IQCJ: variants seen among roughly 807,000 people sequenced by gnomAD.
IQCJ encodes IQ domain-containing protein J.
IQCJ carries 9 observed loss-of-function variants against 11.0 expected under a neutral mutation model. That is an observed-to-expected ratio of 0.82 (90% CI 0.49 to 1.43). The LOEUF (loss-of-function observed/expected upper bound fraction) is 1.43, where lower values mean the gene tolerates loss of function less well. Among genes scored for constraint, IQCJ ranks in the 40% most tolerant of loss-of-function variants. The probability of loss-of-function intolerance (pLI) is 0.00; values close to 1 mark genes in which losing one functional copy is unlikely to be tolerated. For synonymous variants in IQCJ, 55 were observed against 51.3 expected, an observed-to-expected ratio of 1.07 and a Z score of -0.31; for missense variants, 146 against 133.2, an observed-to-expected ratio of 1.10 and a Z score of -0.47.
chr3:159,202,579 T>C (rs1268776127), intron 1 of IQCJ, among the ~76,000 whole-genome samples: 2 of 152,212 alleles, frequency 1.3e-5, no homozygotes, highest in Non-Finnish European at 2.9e-5. Flanking sequence ...CTCTTGGTCC[T>C]GTTGGCTTTT....
At chr3:159,206,042 G>C (rs1033510654) in intron 1 of IQCJ, among the ~76,000 whole-genome samples, 1 of 151,986 alleles carries the variant, frequency 6.6e-6, no homozygotes, top group Non-Finnish European at 1.5e-5. Flanking sequence ...TCTATTCTTT[G>C]CTTCCTGACT....
chr3:159,246,345 A>G (rs1204962200), intron 2 of IQCJ, among the ~76,000 whole-genome samples: 1 of 152,220 alleles, frequency 6.6e-6, no homozygotes, highest in Non-Finnish European at 1.5e-5. Context: ...AATTGAACAG[A>G]GATAAAAGTA....
At chr3:159,131,433 G>A (rs371285430) in intron 1 of IQCJ, among the ~76,000 whole-genome samples, 1 of 152,014 alleles carries the variant, frequency 6.6e-6, no homozygotes, top group South Asian at 2.1e-4. Context: ...CCAATGAGAG[G>A]CATTGGCAAA....
intron 1 of IQCJ, among the ~76,000 whole-genome samples, chr3:159,172,129 C>A (rs916105823): frequency 1.3e-5 from 2 of 152,176 alleles, no homozygotes; most frequent in Non-Finnish European, 2.9e-5. Flanking sequence ...ATACGGAAAG[C>A]AGCTATAAGC....
chr3:159,142,065 C>G (rs1260258653), intron 1 of IQCJ, among the ~76,000 whole-genome samples: 1 of 152,198 alleles, frequency 6.6e-6, no homozygotes, highest in East Asian at 1.9e-4. Context: ...TTTCTCAGAG[C>G]CCTCACCAGT....
intron 1 of IQCJ, among the ~76,000 whole-genome samples, chr3:159,173,735 T>C (rs1164846512): frequency 6.6e-6 from 1 of 152,228 alleles, no homozygotes; most frequent in East Asian, 1.9e-4. Flanking sequence ...TTTTCTTTCC[T>C]TCTCCAGAAA....
In IQCJ at chr3:159,200,104, A is replaced by AATATATATATATAT. The variant is rs539820364; in HGVS notation, c.10-45736_10-45723dup. ...ATATGTATGTATGTGTTTATACATA[A>AATATATATATATAT]ATATATATATATATATCACTTTGAA... On this transcript the variant is annotated intron_variant, in intron 1 of 3. Transcript: ENST00000397832. Among the ~76,000 whole-genome samples, 48 of 116,940 alleles carry AATATATATATATAT rather than the reference A, an allele frequency of 4.1e-4. 4 individuals carry two copies. Among genetic ancestry groups the AATATATATATATAT allele is most frequent in the African/African-American group, 1.2e-3 (32 of 26,386 alleles). The allele number at this position is 116,940 out of a possible 152,430, so 76.7% of individuals were successfully genotyped here. A position where few individuals can be genotyped will look rare whatever the true frequency, so the allele number is the denominator to read the frequency against.
At chr3:159,264,749 C>A (rs1728407031), downstream of IQCJ, among the ~76,000 whole-genome samples, 1 of 151,742 alleles carries the variant, frequency 6.6e-6, no homozygotes, top group Admixed American at 6.6e-5. Context: ...CTGTCTCTAC[C>A]AAAAATACAA....
At chr3:159,174,417 G>A (rs1722661434) in intron 1 of IQCJ, among the ~76,000 whole-genome samples, 1 of 151,992 alleles carries the variant, frequency 6.6e-6, no homozygotes, top group Admixed American at 6.6e-5. Flanking sequence ...AAAAATTAAT[G>A]TACACAGGAG....
At chr3:159,131,671 T>C (rs73027669) in intron 1 of IQCJ, among the ~76,000 whole-genome samples, 5,214 of 152,188 alleles carry the variant, frequency 0.034, 314 homozygotes, top group African/African-American at 0.12. Flanking sequence ...CTAGTTCACT[T>C]TTTCCTCTCT....
chr3:159,169,709 A>G (rs1054272685), intron 1 of IQCJ, among the ~76,000 whole-genome samples: 1 of 152,174 alleles, frequency 6.6e-6, no homozygotes, highest in Admixed American at 6.5e-5. Context: ...TCCTGACTCC[A>G]GCTTAGATCA....
intron 1 of IQCJ, among the ~76,000 whole-genome samples, chr3:159,083,320 T>A (rs1716463542): frequency 6.6e-6 from 1 of 152,150 alleles, no homozygotes. Context: ...TACATTTCAC[T>A]TGAAGAGGAT....
intron 1 of IQCJ, among the ~76,000 whole-genome samples, chr3:159,180,623 A>C (rs886192879): frequency 1.3e-5 from 2 of 152,000 alleles, no homozygotes; most frequent in African/African-American, 4.8e-5. Context: ...AAACAAAAAC[A>C]TGTAGTATGT....
chr3:159,239,989 A>G (rs1726822383), intron 1 of IQCJ, among the ~76,000 whole-genome samples: 1 of 152,164 alleles, frequency 6.6e-6, no homozygotes. Context: ...TTCTCAGGAC[A>G]TATCCTTGTT....
In IQCJ at chr3:159,262,588, C is replaced by T. The variant is rs750994629; in HGVS notation, c.196C>T (p.Pro66Ser). The T allele has an allele frequency of 3.7e-6, 6 of 1,613,812 alleles. No individual in the cohort carries two copies. The highest frequency in any genetic ancestry group is 5.1e-6 in the Non-Finnish European group (6 of 1,179,816). Residue 66 changes from proline (P) to serine (S), a missense_variant, in exon 4 of 4, where the codon CCC becomes TCC. Transcript: ENST00000397832. The part of the protein sequence containing the change: ...AWREYLQRQE[P>S]LGKRSPSPPS... ...GCGAGAGTACCTGCAGCGGCAGGAGCCCCTGGGGAAGAGGAGCCCGTCCCC... is the reference window on the plus strand; with the variant it reads ...GCGAGAGTACCTGCAGCGGCAGGAGTCCCTGGGGAAGAGGAGCCCGTCCCC...
At chr3:159,114,313 G>GTT (rs548777411) in intron 1 of IQCJ, among the ~76,000 whole-genome samples, 20,557 of 142,926 alleles carry the variant, frequency 0.14, 4,581 homozygotes, top group African/African-American at 0.48. Context: ...GTTTCTAAAT[G>GTT]TTTTTTTTTT....
At chr3:159,160,470 T>A (rs113774983) in intron 1 of IQCJ, among the ~76,000 whole-genome samples, 10,113 of 151,970 alleles carry the variant, frequency 0.067, 522 homozygotes, top group Middle Eastern at 0.092. Context: ...GCCCAGCTGA[T>A]TTTTGTATTT....
intron 1 of IQCJ, among the ~76,000 whole-genome samples, chr3:159,159,937 C>T (rs193156208): frequency 1.2e-4 from 18 of 152,200 alleles, no homozygotes; most frequent in East Asian, 1.2e-3. Flanking sequence ...AAGTAGATGC[C>T]GACCCTATGC....
intron 1 of IQCJ, among the ~76,000 whole-genome samples, chr3:159,143,118 CA>C (rs1232114791): frequency 3.3e-5 from 5 of 152,156 alleles, no homozygotes; most frequent in Admixed American, 6.5e-5. Flanking sequence ...AAAGAAAATT[CA>C]TGTTTTTGGA....
Sources: gnomAD v4.1 joint callset for allele counts (sites outside exome capture counted in the v4.1 genomes callset) on GRCh38, gnomAD v4.1.1 for gene constraint, MANE v1.5 for transcripts, NCBI Gene and HGNC (gene_info 2026-07-23, HGNC 2026-07-21) for gene names.